Variants in GREB1 observed in about 807,000 individuals in gnomAD.
The protein encoded by GREB1 is growth regulating estrogen receptor binding 1.
Under a neutral mutation model 200.7 loss-of-function variants are expected in GREB1, and 106 were observed. The ratio of observed to expected loss-of-function variants is 0.53; its 90% confidence interval spans 0.45 to 0.62. The LOEUF (loss-of-function observed/expected upper bound fraction) is 0.62. Ranked by LOEUF, GREB1 falls within the 20% of genes least tolerant of loss-of-function variation. The probability of loss-of-function intolerance (pLI) is 0.00; values close to 1 mark genes in which losing one functional copy is unlikely to be tolerated. For missense variants in GREB1, 2,243 were observed against 2,556.8 expected (o/e 0.88, Z 2.65); for synonymous variants, 1,132 against 1,092.4 (o/e 1.04, Z -0.72).
chr2:11,507,340 C>T (rs950761635), intron 1 of GREB1, among the ~76,000 whole-genome samples: 5 of 142,900 alleles, frequency 3.5e-5, no homozygotes, highest in East Asian at 2.2e-4. Context: ...ACCCGGGAGG[C>T]AGAGGTTATA....
At chr2:11,483,687 GGTGTGTGTGTGTGTGTGTGTGTGT>G (rs57352590) in intron 1 of GREB1, among the ~76,000 whole-genome samples, 2 of 132,306 alleles carry the variant, frequency 1.5e-5, no homozygotes, top group Non-Finnish European at 3.2e-5. Context: ...TACAAGAAGG[GGTGTGTGTGTGTGTGTGTGTGTGT>G]GTGTGTGTGT....
intron 1 of GREB1, among the ~76,000 whole-genome samples, chr2:11,508,313 T>A (rs752933938): frequency 4.6e-5 from 7 of 152,222 alleles, no homozygotes; most frequent in Non-Finnish European, 7.3e-5. Flanking sequence ...CATCCAGGGA[T>A]TGGCCTCACC....
intron 4 of GREB1, among the ~76,000 whole-genome samples, chr2:11,574,264 G>A (rs1014711464): frequency 2.6e-5 from 4 of 152,226 alleles, no homozygotes; most frequent in African/African-American, 7.2e-5. Context: ...GCTCACACGT[G>A]CAGTCATGCT....
chr2:11,586,934 G>A (rs558500913), intron 9 of GREB1, among the ~76,000 whole-genome samples: 7 of 152,188 alleles, frequency 4.6e-5, no homozygotes, highest in South Asian at 2.1e-4. Context: ...TGGCCATGGC[G>A]TGTCTGTGGT....
intron 9 of GREB1, chr2:11,588,063 T>TA: frequency 1.7e-6 from 1 of 601,496 alleles, no homozygotes. Context: ...TTGTCTCTAC[T>TA]AAAAATACAA....
rs148088621 is a variant in GREB1 at position 11,595,430 on chromosome 2, T to C, written c.1825+51T>C. The stretch of plus-strand genomic sequence containing the variant: ...CATGCGTATGTTAATAGGACAGTAA[T>C]CAGTGCCGGGGGAGGTCATCTCTGC... On this transcript the variant is annotated intron_variant, in intron 12 of 32. Coordinates refer to ENST00000381486, the MANE Select transcript of GREB1 (RefSeq NM_014668.4). 263 of 1,582,306 alleles carry C rather than the reference T, an allele frequency of 1.7e-4. 1 individual carries two copies. Among genetic ancestry groups the C allele is most frequent in the Middle Eastern group, 6.4e-4 (3 of 4,686 alleles).
At chr2:11,632,603 G>C (rs1438390472) in intron 27 of GREB1, among the ~76,000 whole-genome samples, 2 of 152,190 alleles carry the variant, frequency 1.3e-5, no homozygotes, top group African/African-American at 2.4e-5. Flanking sequence ...CCCCCAAACT[G>C]CTGGGATTAT....
chr2:11,527,611 C>G (rs1297526811), intron 1 of GREB1, among the ~76,000 whole-genome samples: 4 of 152,208 alleles, frequency 2.6e-5, no homozygotes, highest in Admixed American at 2.6e-4. Flanking sequence ...TTCCTGAAGG[C>G]CAGCCTCTCC....
At chr2:11,595,404 A>T in intron 12 of GREB1, 25 bp downstream of exon 12, 1 of 1,608,492 alleles carries the variant, frequency 6.2e-7, no homozygotes, top group Non-Finnish European at 8.5e-7. Flanking sequence ...AGACAGGTGC[A>T]CATGCGTATG....
intron 29 of GREB1, 67 bp from the exon 30 acceptor site, chr2:11,635,203 C>G: frequency 6.3e-7 from 1 of 1,589,040 alleles, no homozygotes; most frequent in Non-Finnish European, 8.6e-7. Flanking sequence ...ACTCTAGGTG[C>G]TGGGGGCAGT....
intron 14 of GREB1, among the ~76,000 whole-genome samples, chr2:11,598,450 G>A (rs756164240): frequency 1.3e-5 from 2 of 152,168 alleles, no homozygotes; most frequent in Admixed American, 6.5e-5. Context: ...GGTGCCCCTC[G>A]GGAGGGCTGC....
Position 11,594,526 on chromosome 2 carries a change from T to C in GREB1, c.1697-725T>C, listed in dbSNP as rs190501986. 3.5e-3 allele frequency among the ~76,000 whole-genome samples: 535 copies of C among 151,898 alleles called. 5 individuals are homozygous for C. Among genetic ancestry groups the C allele is most frequent in the African/African-American group, 0.013 (518 of 41,394 alleles). ...TGCACCACCATGCCCAGGTAATTTT[T>C]GTATTTTTAGTAGAGATGGGGTTTC... On this transcript the variant is annotated intron_variant, in intron 11 of 32. Coordinates refer to ENST00000381486, the MANE Select transcript of GREB1 (RefSeq NM_014668.4).
Position 11,618,837 on chromosome 2 carries a change from G to A in GREB1, c.3962G>A (p.Ser1321Asn). 1.2e-6 allele frequency: 2 copies of A among 1,603,642 alleles called. No individual in the cohort carries two copies. Among genetic ancestry groups the A allele is most frequent in the Non-Finnish European group, 8.5e-7 (1 of 1,178,772 alleles). ...YYRQWTVPRP[S>N]HMDYGNRAEG... is the part of the protein sequence containing the mutation. ...CGGCAGTGGACGGTGCCCCGGCCCA[G>A]CCACATGGACTACGGCAACCGGGCC... Residue 1321 changes from serine to asparagine, a missense_variant, in exon 22 of 33, where the codon AGC (serine) becomes AAC (asparagine). By Grantham distance (46) the Ser-to-Asn change is conservative. Transcript: ENST00000381486.
In GREB1 at chr2:11,548,067, A is replaced by G. The variant is rs1252093649; in HGVS notation, c.-161-8387A>G. The stretch of plus-strand genomic sequence containing the variant: ...GTGGCATGTTCCTATAGTCCTAGCT[A>G]CTCAGGAGGCTGAGGTGGGAGGATT... On this transcript the variant is annotated intron_variant, in intron 1 of 32. Transcript: ENST00000381486. This position sits in a 1 kb window ranked among gnomAD's most constrained non-coding sequence, Gnocchi z 5.1. Among the ~76,000 whole-genome samples the G allele has an allele frequency of 6.6e-6, 1 of 151,932 alleles. No homozygotes were observed. Among genetic ancestry groups the G allele is most frequent in the Non-Finnish European group, 1.5e-5 (1 of 68,000 alleles).
rs1685580162 is a variant in GREB1 at position 11,638,726 on chromosome 2, A to T, written c.5603A>T (p.Asp1868Val). Residue 1868 changes from aspartate to valine, a missense_variant, in exon 32 of 33, where the codon GAC becomes GTC. Asp to Val is a radical substitution (Grantham distance 152). Around this residue, in one of 3 missense-constraint regions of GREB1, gnomAD observed 478 missense variants for 616.3 expected, o/e 0.78. Coordinates refer to ENST00000381486, the MANE Select transcript of GREB1 (RefSeq NM_014668.4). ...CACTCTTTAAACATCAGCTGCTCGG[A>T]CTTGCTGTTCAGTGGGCTGCTGCTG... ...RPHSLNISCS[D>V]LLFSGLLLYL... 6.2e-7 allele frequency: 1 copy of T among 1,614,004 alleles called. No homozygotes were observed. Among genetic ancestry groups the T allele is most frequent in the Non-Finnish European group, 8.5e-7 (1 of 1,179,886 alleles).
chr2:11,630,693 C>T (rs140109689), intron 26 of GREB1, among the ~76,000 whole-genome samples: 7 of 152,328 alleles, frequency 4.6e-5, no homozygotes, highest in Non-Finnish European at 8.8e-5. Flanking sequence ...CATATTTATA[C>T]CTATAGATAT....
At chr2:11,552,478 G>A (rs1017598899) in intron 1 of GREB1, among the ~76,000 whole-genome samples, 1 of 152,222 alleles carries the variant, frequency 6.6e-6, no homozygotes, top group Non-Finnish European at 1.5e-5. Flanking sequence ...AAGCTTTAGT[G>A]TGTGACCTTG....
At chr2:11,635,087 C>T (rs187407939) in intron 29 of GREB1, among the ~76,000 whole-genome samples, 183 bp from the exon 30 acceptor site, 47 of 152,290 alleles carry the variant, frequency 3.1e-4, no homozygotes, top group South Asian at 8.3e-4. Flanking sequence ...CTGTCCTGTG[C>T]GTTTTCCTTG....
intron 1 of GREB1, among the ~76,000 whole-genome samples, chr2:11,491,157 T>C (rs986571278): frequency 6.6e-6 from 1 of 152,224 alleles, no homozygotes; most frequent in Non-Finnish European, 1.5e-5. Context: ...ATTGTTTTTA[T>C]AGGTTTGCAT....
Sources: allele counts gnomAD v4.1 joint callset (sites outside exome capture counted in the v4.1 genomes callset), GRCh38; gene constraint gnomAD v4.1.1; regional missense constraint gnomAD v4.1.1; non-coding constraint Gnocchi (gnomAD v3.1); transcripts MANE v1.5; gene names NCBI Gene and HGNC (gene_info 2026-07-23, HGNC 2026-07-21).